The following VAC14 variants were observed in gnomAD, a reference collection of about 807,000 sequenced individuals.
VAC14 encodes VAC14 component of PIKFYVE complex, also known as protein VAC14 homolog.
Under a neutral mutation model 85.3 loss-of-function variants are expected in VAC14, and 47 were observed. That is an observed-to-expected ratio of 0.55 (90% CI 0.44 to 0.70). The LOEUF (loss-of-function observed/expected upper bound fraction) is 0.70, where lower values mean the gene tolerates loss of function less well. Among genes scored for constraint, VAC14 ranks in the 30% least tolerant of loss-of-function variants. VAC14 has a pLI of 0.00. For synonymous variants in VAC14, 447 were observed against 430.5 expected (o/e 1.04, Z -0.47); for missense variants, 861 against 1,004.3 (o/e 0.86, Z 1.93).
At chr16:70,728,278 G>C (rs934009582) in intron 14 of VAC14, among the ~76,000 whole-genome samples, 7 of 152,144 alleles carry the variant, frequency 4.6e-5, no homozygotes, top group African/African-American at 1.7e-4. Context: ...ACGCTGAGGA[G>C]CTGGGCCTCA....
intron 13 of VAC14, among the ~76,000 whole-genome samples, chr16:70,736,342 G>A (rs2054752134): frequency 1.3e-5 from 2 of 152,222 alleles, no homozygotes; most frequent in African/African-American, 4.8e-5. Flanking sequence ...ACTGCGCAGG[G>A]CAGACCGTTC....
rs192139454 is a variant in VAC14 at position 70,692,673 on chromosome 16, G to T, written c.2186+148C>A. ...AGAGGCCAAGGGGCAAGTGGCTGCGGGGGGGATGGTGGTCACAGTGACAAA... is the reference window on the plus strand; with the variant it reads ...AGAGGCCAAGGGGCAAGTGGCTGCGTGGGGGATGGTGGTCACAGTGACAAA... On this transcript the variant is annotated intron_variant, in intron 18 of 18. Transcript: ENST00000261776. 112,096 of 1,074,182 alleles carry T rather than the reference G, an allele frequency of 0.1. 7,617 individuals are homozygous for T. Among genetic ancestry groups the T allele is most frequent in the Admixed American group, 0.27 (10,427 of 38,032 alleles). The allele number at this position is 1,074,182 out of a possible 1,614,324, so 66.5% of individuals were successfully genotyped here. A position where few individuals can be genotyped will look rare whatever the true frequency, so the allele number is the denominator to read the frequency against.
chr16:70,710,042 G>A (rs1419359068), intron 14 of VAC14, among the ~76,000 whole-genome samples: 2 of 152,194 alleles, frequency 1.3e-5, no homozygotes, highest in Non-Finnish European at 2.9e-5. Context: ...CCCTGCCCAC[G>A]AGGAGGCCGC....
chr16:70,750,367 G>A (rs1224231470), intron 12 of VAC14, among the ~76,000 whole-genome samples: 2 of 152,124 alleles, frequency 1.3e-5, no homozygotes, highest in African/African-American at 2.4e-5. Flanking sequence ...AGAAAGAAGG[G>A]AGGAAAGAGA....
chr16:70,695,700 CT>C (rs796345811), intron 16 of VAC14, 77 bp from the exon 17 acceptor site: 136 of 1,403,420 alleles, frequency 9.7e-5, no homozygotes, highest in African/African-American at 8.3e-4. Flanking sequence ...CCCTCCCCCC[CT>C]GCACCTGGCT....
At chr16:70,793,412 CAG>C (rs372350799) in intron 1 of VAC14, among the ~76,000 whole-genome samples, 1 of 152,288 alleles carries the variant, frequency 6.6e-6, no homozygotes, top group African/African-American at 2.4e-5. Context: ...AACTGAGGCT[CAG>C]AGAAGTTAAG....
chr16:70,786,884 G>C (rs192999077), intron 1 of VAC14, among the ~76,000 whole-genome samples: 104 of 152,310 alleles, frequency 6.8e-4, no homozygotes, highest in African/African-American at 2.3e-3. Flanking sequence ...CAGTCTCCTC[G>C]GGCCGTCCAG....
At chr16:70,732,069 G>A (rs1227668260) in intron 13 of VAC14, among the ~76,000 whole-genome samples, 2 of 152,048 alleles carry the variant, frequency 1.3e-5, no homozygotes. Flanking sequence ...AGAATAAATG[G>A]GTAAGGTACT....
chr16:70,739,746 G>A (rs541961721), intron 13 of VAC14, among the ~76,000 whole-genome samples: 9 of 152,322 alleles, frequency 5.9e-5, no homozygotes, highest in South Asian at 4.2e-4. Flanking sequence ...GATTGTTGCC[G>A]TGATTACTGG....
intron 14 of VAC14, among the ~76,000 whole-genome samples, chr16:70,709,652 C>T (rs1223277793): frequency 6.6e-6 from 1 of 152,192 alleles, no homozygotes; most frequent in Admixed American, 6.5e-5. Flanking sequence ...AAACTCTGAC[C>T]CAGCGGAGAA....
In VAC14 at chr16:70,693,007, C is replaced by T. The variant is rs76156934; in HGVS notation, c.2036-36G>A. 3,096 of 1,595,528 alleles carry T rather than the reference C, an allele frequency of 1.9e-3. 53 individuals carry two copies. The African/African-American group carries it at 0.038, about 20-fold the overall frequency. The stretch of plus-strand genomic sequence containing the variant: ...CAGAGGGCAGGGGTCAGGGACCTGG[C>T]ACTGCTCTGGGACACGCCCAGCCCA... On this transcript the variant is annotated intron_variant, in intron 17 of 18. Coordinates refer to ENST00000261776, the MANE Select transcript of VAC14 (RefSeq NM_018052.5).
intron 16 of VAC14, 66 bp from the exon 17 acceptor site, chr16:70,695,689 G>T: frequency 6.7e-7 from 1 of 1,496,104 alleles, no homozygotes; most frequent in Non-Finnish European, 9.3e-7. Flanking sequence ...AGCACCACAC[G>T]CCCTCCCCCC....
intron 18 of VAC14, chr16:70,691,943 C>G (rs2053604881): frequency 1.0e-6 from 1 of 985,222 alleles, no homozygotes; most frequent in South Asian, 4.7e-5. Flanking sequence ...CTGAGTGGCT[C>G]TAACAGCCTG....
chr16:70,707,286 T>C (rs959164892), intron 14 of VAC14, among the ~76,000 whole-genome samples: 1 of 152,256 alleles, frequency 6.6e-6, no homozygotes, highest in Non-Finnish European at 1.5e-5. Flanking sequence ...GCCTTAAAAA[T>C]TCATCGTTGT....
intron 14 of VAC14, among the ~76,000 whole-genome samples, chr16:70,707,127 C>A (rs1417948765): frequency 6.6e-6 from 1 of 152,238 alleles, no homozygotes; most frequent in African/African-American, 2.4e-5. Flanking sequence ...CAGAATCTCA[C>A]TGCATCCTGC....
intron 10 of VAC14, chr16:70,771,877 G>A (rs1409859887): frequency 5.8e-6 from 3 of 512,944 alleles, no homozygotes; most frequent in Non-Finnish European, 1.0e-5. Context: ...CACCATGTCT[G>A]GCCCCCAGTG....
At chr16:70,727,324 C>CTTTA (rs1002698117) in intron 14 of VAC14, among the ~76,000 whole-genome samples, 3 of 152,152 alleles carry the variant, frequency 2.0e-5, no homozygotes, top group Admixed American at 6.5e-5. Flanking sequence ...CGATGCCTCT[C>CTTTA]TTTATTTATT....
chr16:70,793,871 T>C (rs2034436292), intron 1 of VAC14, among the ~76,000 whole-genome samples: 1 of 152,260 alleles, frequency 6.6e-6, no homozygotes, highest in Non-Finnish European at 1.5e-5. Context: ...CACGAGGTTG[T>C]GCTCATTCCA....
chr16:70,739,677 T>C (rs2030068025), intron 13 of VAC14, among the ~76,000 whole-genome samples: 1 of 152,120 alleles, frequency 6.6e-6, no homozygotes, highest in African/African-American at 2.4e-5. Context: ...CCAGCACGCG[T>C]GAGTGCTCAG....
Sources: gnomAD v4.1 joint callset for allele counts (sites outside exome capture counted in the v4.1 genomes callset) on GRCh38, gnomAD v4.1.1 for gene constraint, MANE v1.5 for transcripts, NCBI Gene and HGNC (gene_info 2026-07-23, HGNC 2026-07-21) for gene names.